The following KMT2C variants were observed in gnomAD, a reference collection of about 807,000 sequenced individuals.
The protein encoded by KMT2C is histone-lysine N-methyltransferase 2C.
A neutral mutation model predicts 507.9 loss-of-function variants in KMT2C; 88 were observed. The observed-to-expected ratio is 0.17, with a 90% CI of 0.15 to 0.21. The LOEUF (loss-of-function observed/expected upper bound fraction) is 0.21, where lower values mean the gene tolerates loss of function less well. KMT2C is among the 10% of genes least tolerant of loss of function. The pLI, the probability that KMT2C is intolerant of heterozygous loss-of-function variation, is 1.00. For synonymous variants in KMT2C, 2,049 were observed against 2,080.8 expected (o/e 0.98, Z 0.42); for missense variants, 4,954 against 5,957.8 (o/e 0.83, Z 5.55).
chr7:152,182,265 C>T lies in KMT2C; in HGVS notation c.5595G>A (p.Gln1865=), dbSNP rs2093458760. 2 of 1,614,038 alleles carry T rather than the reference C, an allele frequency of 1.2e-6. No homozygotes were observed. Among genetic ancestry groups the T allele is most frequent in the Non-Finnish European group, 1.7e-6 (2 of 1,179,974 alleles). The change falls in exon 36 of 59, where the codon CAG becomes CAA. Residue 1865 remains glutamine (Q), a synonymous_variant. Coordinates refer to ENST00000262189, the MANE Select transcript of KMT2C (RefSeq NM_170606.3). ...AAGTCTGAGCCTGAGAAAGACTATC[C>T]TGGATGGGAATCCGGGATGGGGCTG... ...PPPAPSRIPI[Q]DSLSQAQTSQ... is the part of the protein sequence containing the mutation.
chr7:152,244,612 A>T (rs2095439856), intron 14 of KMT2C, among the ~76,000 whole-genome samples: 1 of 152,238 alleles, frequency 6.6e-6, no homozygotes, highest in East Asian at 1.9e-4. Context: ...AAATACAACT[A>T]GGTCATTAGG....
In KMT2C at chr7:152,146,977, T is replaced by C. The variant is rs540921986; in HGVS notation, c.13895-242A>G. 7.9e-5 allele frequency among the ~76,000 whole-genome samples: 12 copies of C among 152,324 alleles called. No homozygotes were observed. In the East Asian group the frequency reaches 2.1e-3, roughly 27 times the overall value. The stretch of plus-strand genomic sequence containing the variant: ...ATTAAGGACATTAAAGTGAAAAAAC[T>C]TAATGTAACTGAAATTCATGCAAAC... On this transcript the variant is annotated intron_variant, in intron 52 of 58. Coordinates refer to ENST00000262189, the MANE Select transcript of KMT2C (RefSeq NM_170606.3).
chr7:152,374,730 C>A (rs2097315602), intron 1 of KMT2C, among the ~76,000 whole-genome samples: 1 of 151,862 alleles, frequency 6.6e-6, no homozygotes, highest in Non-Finnish European at 1.5e-5. Flanking sequence ...GAAACTCTGT[C>A]CCTACTAAAA....
At chr7:152,419,250 C>T (rs2097764485) in intron 1 of KMT2C, among the ~76,000 whole-genome samples, 1 of 152,028 alleles carries the variant, frequency 6.6e-6, no homozygotes, top group Admixed American at 6.6e-5. Context: ...ACTCAGGAGG[C>T]TGAGGCAGGA....
rs150305225 is a variant in KMT2C, at chr7:152,330,627, G to A, written c.363C>T (p.Val121=). 37 of 1,613,982 alleles carry A rather than the reference G, an allele frequency of 2.3e-5. No homozygotes were observed. Among genetic ancestry groups the A allele is most frequent in the African/African-American group, 4.0e-5 (3 of 74,922 alleles). Reference sequence around the variant, plus strand: ...TGATTTTGGCTTCTACACCAACAGAGACCAGGGAGTTTGCCGATTCCTCAG... The same window carrying A: ...TGATTTTGGCTTCTACACCAACAGAAACCAGGGAGTTTGCCGATTCCTCAG... ...SVSEESANSL[V]SVGVEAKISE... The change falls in exon 3 of 59, where the codon GTC becomes GTT. Residue 121 remains valine, a synonymous_variant. Transcript: ENST00000262189.
intron 1 of KMT2C, among the ~76,000 whole-genome samples, chr7:152,426,738 T>C (rs1322897326): frequency 4.6e-5 from 7 of 152,310 alleles, no homozygotes; most frequent in East Asian, 1.9e-4. Flanking sequence ...TATAAATTCA[T>C]AACAATCCTA....
chr7:152,379,736 G>A (rs549587249), intron 1 of KMT2C, among the ~76,000 whole-genome samples: 5 of 152,028 alleles, frequency 3.3e-5, no homozygotes, highest in African/African-American at 1.2e-4. Context: ...CATCAAAAAA[G>A]ACAAGGACAA....
At chr7:152,321,292 A>C (rs943854336) in intron 3 of KMT2C, among the ~76,000 whole-genome samples, 1 of 151,942 alleles carries the variant, frequency 6.6e-6, no homozygotes, top group African/African-American at 2.4e-5. Flanking sequence ...TTGTTTAAGA[A>C]TCTTTCACTT....
intron 1 of KMT2C, among the ~76,000 whole-genome samples, chr7:152,400,427 G>T (rs922778529): frequency 6.6e-6 from 1 of 152,162 alleles, no homozygotes; most frequent in Non-Finnish European, 1.5e-5. Context: ...ACATCTTTGA[G>T]AAATTTCAGT....
intron 6 of KMT2C, among the ~76,000 whole-genome samples, chr7:152,290,098 G>C (rs1302759764): frequency 6.6e-6 from 1 of 150,752 alleles, no homozygotes; most frequent in African/African-American, 2.4e-5. Context: ...ATCAATAGTT[G>C]GAATATCTGG....
At chr7:152,160,762 C>T (rs904345230) in intron 43 of KMT2C, among the ~76,000 whole-genome samples, 5 of 150,934 alleles carry the variant, frequency 3.3e-5, no homozygotes, top group African/African-American at 9.7e-5. Flanking sequence ...TGGTTGTTCC[C>T]CATGCCATTA....
chr7:152,225,502 C>T (rs1204925775), intron 18 of KMT2C, among the ~76,000 whole-genome samples: 3 of 152,204 alleles, frequency 2.0e-5, no homozygotes, highest in African/African-American at 4.8e-5. Context: ...CAATTCTCAA[C>T]CTAGCTACAC....
intron 1 of KMT2C, among the ~76,000 whole-genome samples, chr7:152,412,760 T>C (rs2097696405): frequency 6.6e-6 from 1 of 151,858 alleles, no homozygotes; most frequent in Non-Finnish European, 1.5e-5. Flanking sequence ...ACTTTAAATA[T>C]TGTGGTGGGG....
intron 1 of KMT2C, among the ~76,000 whole-genome samples, chr7:152,426,152 G>A (rs1315116524): frequency 6.6e-6 from 1 of 151,406 alleles, no homozygotes; most frequent in African/African-American, 2.4e-5. Context: ...TATATATTGG[G>A]GACATCTGCG....
In KMT2C at chr7:152,178,015, T is replaced by TTAAAAAAAAAAAAAA. The variant is rs1491309235; in HGVS notation, c.7443-6_7443-5insTTTTTTTTTTTTTTA. ...CTACCTCCTGGAAATCCAAATCTTT[T>TTAAAAAAAAAAAAAA]AAAAAAAAAAAAAAAAAAAAAAAAA... On this transcript the variant is annotated splice_polypyrimidine_tract_variant and splice_region_variant and intron_variant, in intron 37 of 58. Coordinates refer to ENST00000262189, the MANE Select transcript of KMT2C (RefSeq NM_170606.3). 4.7e-5 allele frequency: 38 copies of TTAAAAAAAAAAAAAA among 811,058 alleles called. 2 individuals are homozygous for TTAAAAAAAAAAAAAA. In the Admixed American group the frequency reaches 5.2e-4, roughly 11 times the overall value. 50.2% of individuals were successfully genotyped at this position (811,058 alleles called of 1,614,324 possible).
In KMT2C at chr7:152,309,503, A is replaced by G. The variant is rs190847379; in HGVS notation, c.849+463T>C. On this transcript the variant is annotated intron_variant, in intron 6 of 58. Transcript: ENST00000262189. ...CATGCCCGGCTAATTTTTGCATAAA[A>G]TAACTTTTTTTTTTTTTTTTTTTTT... 7.6e-4 allele frequency among the ~76,000 whole-genome samples: 109 copies of G among 143,614 alleles called. 1 individual carries two copies. Among genetic ancestry groups the G allele is most frequent in the Middle Eastern group, 7.0e-3 (2 of 286 alleles). The allele number at this position is 143,614 out of a possible 152,430, so 94.2% of individuals were successfully genotyped here. A position where few individuals can be genotyped will look rare whatever the true frequency, so the allele number is the denominator to read the frequency against.
chr7:152,208,777 T>A (rs577618288), intron 23 of KMT2C, among the ~76,000 whole-genome samples: 1 of 152,354 alleles, frequency 6.6e-6, no homozygotes, highest in South Asian at 2.1e-4. Context: ...GAACAGGGTA[T>A]TTGTCTTTTG....
chr7:152,248,194 C>G lies in KMT2C; in HGVS notation c.2240G>C (p.Gly747Ala), dbSNP rs1310849648. Reference protein sequence around the residue: ...MDSEMTPTIEGCVKDVSYQGG... With the variant: ...MDSEMTPTIEACVKDVSYQGG... ...TTGGTATGAAACATCTTTCACACAA[C>G]CCTCAATTGTAGGAGTCATTTCAGA... is the stretch of plus-strand genomic sequence containing the variant. The change falls in exon 14 of 59, where the codon GGT (glycine) becomes GCT (alanine). Residue 747 changes from glycine (G) to alanine (A), a missense_variant. Gly to Ala is a moderately conservative substitution (Grantham distance 60). Coordinates refer to ENST00000262189, the MANE Select transcript of KMT2C (RefSeq NM_170606.3). The G allele has an allele frequency of 6.2e-7, 1 of 1,614,056 alleles. No individual in the cohort carries two copies. Among genetic ancestry groups the G allele is most frequent in the Non-Finnish European group, 8.5e-7 (1 of 1,179,890 alleles).
chr7:152,184,764 G>A (rs1051639218), intron 34 of KMT2C, among the ~76,000 whole-genome samples: 12 of 152,140 alleles, frequency 7.9e-5, no homozygotes, highest in African/African-American at 2.4e-5. Flanking sequence ...ATATCCTCCT[G>A]TATACTTTCT....
Sources: allele counts gnomAD v4.1 joint callset (sites outside exome capture counted in the v4.1 genomes callset), GRCh38; gene constraint gnomAD v4.1.1; transcripts MANE v1.5; gene names NCBI Gene and HGNC (gene_info 2026-07-23, HGNC 2026-07-21).